CLIP2: variants seen among roughly 807,000 people sequenced by gnomAD.
CLIP2 encodes CAP-Gly domain containing linker protein 2, also known as CAP-Gly domain-containing linker protein 2.
Under a neutral mutation model 111.7 loss-of-function variants are expected in CLIP2, and 41 were observed. That is an observed-to-expected ratio of 0.37 (90% CI 0.29 to 0.48). The LOEUF is 0.48. CLIP2 is among the 20% of genes least tolerant of loss of function. The pLI is 0.99. For missense variants in CLIP2, 1,160 were observed against 1,422.1 expected, an observed-to-expected ratio of 0.82 and a Z score of 2.96; for synonymous variants, 660 against 644.2, an observed-to-expected ratio of 1.02 and a Z score of -0.37.
At chr7:74,330,693 C>T (rs1318128848) in intron 2 of CLIP2, among the ~76,000 whole-genome samples, 1 of 152,100 alleles carries the variant, frequency 6.6e-6, no homozygotes, top group Non-Finnish European at 1.5e-5. Context: ...AAACACTGTC[C>T]TACATAACCT....
Position 74,339,012 on chromosome 7 carries a change from C to G in CLIP2, c.678+8C>G. 6.3e-7 allele frequency: 1 copy of G among 1,590,584 alleles called. No homozygotes were observed. The highest frequency in any genetic ancestry group is 8.5e-7 in the Non-Finnish European group (1 of 1,174,786). ...CTGGGGGACCGCGTGCTGGTGAGTG[C>G]GGGCAGTACTGGGCTCTGGGCCCAG... On this transcript the variant is annotated splice_region_variant and intron_variant, in intron 3 of 16. Coordinates refer to ENST00000223398, the MANE Select transcript of CLIP2 (RefSeq NM_003388.5).
chr7:74,307,112 CAG>C (rs1259666103), intron 1 of CLIP2, among the ~76,000 whole-genome samples: 2 of 152,206 alleles, frequency 1.3e-5, no homozygotes, highest in Non-Finnish European at 2.9e-5. Context: ...TCCTCGGGGA[CAG>C]GGGGGCTGCT....
intron 7 of CLIP2, among the ~76,000 whole-genome samples, chr7:74,362,344 A>G (rs1381732216): frequency 6.6e-6 from 1 of 151,282 alleles, no homozygotes; most frequent in Non-Finnish European, 1.5e-5. Context: ...CAACACCCCC[A>G]CTTGGGTCTG....
rs192875815 is a variant in CLIP2 at position 74,360,763 on chromosome 7, C to G, written c.1319+485C>G. ...ATGGGGTTTTGGCACATTGGCCAGG[C>G]TAGTCTCGAACTCCTGACCTCAGGC... On this transcript the variant is annotated intron_variant, in intron 7 of 16. Coordinates refer to ENST00000223398, the MANE Select transcript of CLIP2 (RefSeq NM_003388.5). 1.2e-4 allele frequency among the ~76,000 whole-genome samples: 19 copies of G among 152,218 alleles called. 1 individual carries two copies. In the East Asian group the frequency reaches 3.7e-3, roughly 29 times the overall value.
intron 3 of CLIP2, among the ~76,000 whole-genome samples, chr7:74,340,468 T>C (rs986772174): frequency 6.6e-5 from 10 of 152,276 alleles, no homozygotes; most frequent in Admixed American, 5.9e-4. Flanking sequence ...AGACACCTTA[T>C]CAGCTACAAC....
Position 74,295,989 on chromosome 7 carries a change from C to CAA in CLIP2, c.-68+6274_-68+6275dup, listed in dbSNP as rs368834820. Among the ~76,000 whole-genome samples, 254 of 70,738 alleles carry CAA rather than the reference C, an allele frequency of 3.6e-3. 4 individuals are homozygous for CAA. The highest frequency in any genetic ancestry group is 0.018 in the East Asian group (43 of 2,364). The allele number at this position is 70,738 out of a possible 152,430, so 46.4% of individuals were successfully genotyped here. On this transcript the variant is annotated intron_variant, in intron 1 of 16. Coordinates refer to ENST00000223398, the MANE Select transcript of CLIP2 (RefSeq NM_003388.5). ...GGATGACAGAGTGAAACCCTGTCTC[C>CAA]AAAAAAAAAAAAAAAAAAAAGCGTT...
At chr7:74,380,410 T>C (rs1156737822) in intron 10 of CLIP2, 1 of 157,436 alleles carries the variant, frequency 6.4e-6, no homozygotes, top group Non-Finnish European at 1.4e-5. Context: ...GCAGCCAATA[T>C]TTGTTTGATG....
At position 74,405,241 on chromosome 7, in the gene CLIP2, T is replaced by G. The variant is rs1554318381; in HGVS notation, c.*1393T>G. On this transcript the variant is annotated 3_prime_UTR_variant, in exon 17 of 17. Transcript: ENST00000223398. ...CGCCGCTGGGGGACCAACAGGTTGC[T>G]TACAGCTTTGCACCCCGGCATCAGC... is the stretch of plus-strand genomic sequence containing the variant. The G allele has an allele frequency of 6.6e-6, 1 of 152,296 alleles. No individual in the cohort carries two copies. The highest frequency in any genetic ancestry group is 1.5e-5 in the Non-Finnish European group (1 of 68,150). The allele number at this position is 152,296 out of a possible 1,614,324, so 9.4% of individuals were successfully genotyped here. A position where few individuals can be genotyped will look rare whatever the true frequency, so the allele number is the denominator to read the frequency against.
intron 13 of CLIP2, among the ~76,000 whole-genome samples, chr7:74,390,737 T>C: frequency 1.7e-5 from 1 of 58,472 alleles, no homozygotes; most frequent in Non-Finnish European, 3.2e-5. Context: ...AGTAACTATT[T>C]TCTGGCGGGG....
chr7:74,323,020 C>T (rs148121239), intron 2 of CLIP2, among the ~76,000 whole-genome samples: 2 of 152,134 alleles, frequency 1.3e-5, no homozygotes, highest in East Asian at 3.9e-4. Context: ...TGAGCCACCG[C>T]GCCTGGCCCG....
chr7:74,392,897 A>G (rs567264299), intron 13 of CLIP2, among the ~76,000 whole-genome samples: 1 of 152,356 alleles, frequency 6.6e-6, no homozygotes, highest in East Asian at 1.9e-4. Context: ...GACTTCCAGC[A>G]TGGCGATCAC....
intron 14 of CLIP2, among the ~76,000 whole-genome samples, chr7:74,399,641 G>A (rs1456385873): frequency 1.3e-5 from 2 of 151,194 alleles, no homozygotes; most frequent in Non-Finnish European, 2.9e-5. Flanking sequence ...CCGGGTTCAA[G>A]CGATTCTCCT....
At chr7:74,302,390 A>G (rs1305938978) in intron 1 of CLIP2, among the ~76,000 whole-genome samples, 1 of 149,592 alleles carries the variant, frequency 6.7e-6, no homozygotes, top group Non-Finnish European at 1.5e-5. Flanking sequence ...TAATTTTTGT[A>G]TTTTAGTAGA....
intron 13 of CLIP2, among the ~76,000 whole-genome samples, chr7:74,390,531 T>C (rs1258543430): frequency 6.6e-6 from 1 of 151,506 alleles, no homozygotes; most frequent in African/African-American, 2.4e-5. Context: ...TAGCTGGGCA[T>C]AGTAGCATAC....
intron 12 of CLIP2, among the ~76,000 whole-genome samples, chr7:74,386,924 G>A (rs1808233): frequency 0.087 from 13,236 of 151,280 alleles, 1,297 homozygotes; most frequent in East Asian, 0.4. Context: ...TCGGGAGGCT[G>A]AGGCAGGAGA....
intron 5 of CLIP2, 58 bp downstream of exon 5, chr7:74,356,681 G>T (rs564216114): frequency 5.2e-5 from 78 of 1,490,166 alleles, no homozygotes; most frequent in African/African-American, 6.9e-5. Context: ...GGGTGAGGAT[G>T]TAAGAGATCC....
At chr7:74,381,062 GCTGT>G in intron 11 of CLIP2, 199 bp downstream of exon 11, 1 of 427,674 alleles carries the variant, frequency 2.3e-6, no homozygotes, top group Non-Finnish European at 4.2e-6. Flanking sequence ...CTTCCAAGTT[GCTGT>G]CTTTTTTTTC....
At chr7:74,312,649 G>A (rs1273599324) in intron 1 of CLIP2, among the ~76,000 whole-genome samples, 3 of 152,160 alleles carry the variant, frequency 2.0e-5, no homozygotes, top group Admixed American at 2.0e-4. Flanking sequence ...AGGACGAAGG[G>A]AGCAGCCTTG....
At chr7:74,362,604 C>T (rs566466025) in intron 7 of CLIP2, among the ~76,000 whole-genome samples, 4 of 137,838 alleles carry the variant, frequency 2.9e-5, no homozygotes, top group East Asian at 2.2e-4. Context: ...GGTGTGATCT[C>T]GGCTCACTGC....
Sources: gnomAD v4.1 joint callset for allele counts (sites outside exome capture counted in the v4.1 genomes callset) on GRCh38, gnomAD v4.1.1 for gene constraint, MANE v1.5 for transcripts, NCBI Gene and HGNC (gene_info 2026-07-23, HGNC 2026-07-21) for gene names.